SEC11A: variants seen among roughly 807,000 people sequenced by gnomAD.
The protein encoded by SEC11A is SEC11 homolog A, signal peptidase complex subunit, also known as signal peptidase complex catalytic subunit SEC11A.
SEC11A carries 14 observed loss-of-function variants against 25.6 expected under a neutral mutation model. That is an observed-to-expected ratio of 0.55 (90% CI 0.36 to 0.85). The LOEUF (loss-of-function observed/expected upper bound fraction) is 0.85. Ranked by LOEUF, SEC11A falls within the 40% of genes least tolerant of loss-of-function variation. The probability of loss-of-function intolerance (pLI) is 0.01; values close to 1 mark genes in which losing one functional copy is unlikely to be tolerated. For synonymous variants in SEC11A, 83 were observed against 76.4 expected (o/e 1.09, Z -0.45); for missense variants, 153 against 222.9 (o/e 0.69, Z 2.00).
At chr15:84,704,523 A>C (rs1898039355) in intron 1 of SEC11A, among the ~76,000 whole-genome samples, 1 of 152,192 alleles carries the variant, frequency 6.6e-6, no homozygotes, top group Non-Finnish European at 1.5e-5. Context: ...TAATTAATAA[A>C]GGGTATTGAA....
chr15:84,678,978 G>A (rs1212953136), intron 4 of SEC11A, among the ~76,000 whole-genome samples: 1 of 149,208 alleles, frequency 6.7e-6, no homozygotes, highest in Non-Finnish European at 1.5e-5. Context: ...CTGGGTGACA[G>A]AGCAAGACTG....
chr15:84,683,281 A>G (rs1387889193), intron 3 of SEC11A, among the ~76,000 whole-genome samples: 1 of 152,182 alleles, frequency 6.6e-6, no homozygotes, highest in Non-Finnish European at 1.5e-5. Flanking sequence ...GAAAAGGCAA[A>G]TCAGATATGA....
At chr15:84,703,809 G>A (rs932727200) in intron 1 of SEC11A, among the ~76,000 whole-genome samples, 22 of 152,302 alleles carry the variant, frequency 1.4e-4, no homozygotes, top group African/African-American at 5.3e-4. Context: ...CTCCAAATAC[G>A]TATATAGAAT....
At chr15:84,700,259 A>G (rs1462526896) in intron 1 of SEC11A, among the ~76,000 whole-genome samples, 1 of 151,856 alleles carries the variant, frequency 6.6e-6, no homozygotes, top group Non-Finnish European at 1.5e-5. Context: ...AAAATCAATA[A>G]ACAGAAACAG....
At chr15:84,682,162 G>A (rs1339902933) in intron 3 of SEC11A, among the ~76,000 whole-genome samples, 1 of 151,978 alleles carries the variant, frequency 6.6e-6, no homozygotes, top group African/African-American at 2.4e-5. Flanking sequence ...TAGATACATG[G>A]GGGTTCCTCA....
chr15:84,715,941 G>A, intron 1 of SEC11A, 84 bp downstream of exon 1: 2 of 1,342,568 alleles, frequency 1.5e-6, no homozygotes, highest in Non-Finnish European at 2.1e-6. Flanking sequence ...CCTCACACCA[G>A]AACCCTGGGG....
Position 84,687,636 on chromosome 15 carries a change from C to A in SEC11A, c.300G>T (p.Lys100Asn). The A allele has an allele frequency of 6.3e-7, 1 of 1,576,912 alleles. No individual in the cohort carries two copies. The highest frequency in any genetic ancestry group is 8.5e-7 in the Non-Finnish European group (1 of 1,170,970). Residue 100 changes from lysine to asparagine, a missense_variant, in exon 3 of 6, where the codon AAG becomes AAT. Transcript: ENST00000268220. ...TACTTTGCACATACTTTTCATGAAT[C>A]TTCAAGACTCGGTGAACTATAGGAA... Reference protein sequence around the residue: ...REIPIVHRVLKIHEKQNGHIK... With the variant: ...REIPIVHRVLNIHEKQNGHIK...
chr15:84,703,168 T>C (rs964762368), intron 1 of SEC11A, among the ~76,000 whole-genome samples: 5 of 152,184 alleles, frequency 3.3e-5, no homozygotes, highest in Non-Finnish European at 7.3e-5. Flanking sequence ...TAACAGCTTT[T>C]TGTTTGCTAC....
intron 1 of SEC11A, among the ~76,000 whole-genome samples, chr15:84,715,179 C>T (rs1158841358): frequency 6.6e-6 from 1 of 152,020 alleles, no homozygotes; most frequent in Non-Finnish European, 1.5e-5. Context: ...TTAATGGTGA[C>T]ATCAGGATAA....
intron 1 of SEC11A, among the ~76,000 whole-genome samples, chr15:84,710,283 A>G (rs1898221680): frequency 6.6e-6 from 1 of 152,198 alleles, no homozygotes; most frequent in Non-Finnish European, 1.5e-5. Flanking sequence ...TTTAATTTAT[A>G]AAGTTTAATT....
intron 1 of SEC11A, among the ~76,000 whole-genome samples, chr15:84,700,344 C>T (rs1897892362): frequency 6.6e-6 from 1 of 151,450 alleles, no homozygotes. Context: ...GCCTGTAATC[C>T]CAGAACTTTA....
intron 1 of SEC11A, among the ~76,000 whole-genome samples, chr15:84,701,604 G>A (rs1897944394): frequency 6.6e-6 from 1 of 151,670 alleles, no homozygotes; most frequent in African/African-American, 2.4e-5. Flanking sequence ...TTGTCCACTT[G>A]GATAAATAAA....
intron 1 of SEC11A, among the ~76,000 whole-genome samples, chr15:84,697,607 A>ACTCTTCTCC (rs1897806161): frequency 6.6e-6 from 1 of 152,016 alleles, no homozygotes; most frequent in South Asian, 2.1e-4. Context: ...AAAGTGTCAT[A>ACTCTTCTCC]CTCTTCTCCC....
intron 3 of SEC11A, chr15:84,686,857 C>T (rs1436397547): frequency 6.6e-6 from 1 of 152,112 alleles, no homozygotes; most frequent in African/African-American, 2.4e-5. Flanking sequence ...TGCCACTACG[C>T]CCAGCTAATT....
At chr15:84,699,147 T>C (rs1185932275) in intron 1 of SEC11A, among the ~76,000 whole-genome samples, 1 of 151,744 alleles carries the variant, frequency 6.6e-6, no homozygotes, top group Non-Finnish European at 1.5e-5. Context: ...AAACCCCATC[T>C]CTACCAAAAA....
chr15:84,703,936 C>T (rs1027392870), intron 1 of SEC11A, among the ~76,000 whole-genome samples: 1 of 152,130 alleles, frequency 6.6e-6, no homozygotes, highest in Non-Finnish European at 1.5e-5. Flanking sequence ...CCTATTTCCC[C>T]AGCCACCTGT....
intron 2 of SEC11A, among the ~76,000 whole-genome samples, chr15:84,688,907 T>C (rs1277778829): frequency 6.6e-6 from 1 of 151,966 alleles, no homozygotes; most frequent in East Asian, 1.9e-4. Flanking sequence ...GGCGCACGCC[T>C]GTAATCCCAG....
At chr15:84,674,332 A>G (rs1028427923) in intron 4 of SEC11A, among the ~76,000 whole-genome samples, 3 of 152,122 alleles carry the variant, frequency 2.0e-5, no homozygotes, top group Admixed American at 6.5e-5. Context: ...ATTTAAGAAC[A>G]TAAAGGCAAA....
At chr15:84,671,593 TAATA>T (rs1896984129) in intron 4 of SEC11A, 1 of 152,228 alleles carries the variant, frequency 6.6e-6, no homozygotes, top group African/African-American at 2.4e-5. Flanking sequence ...GAGGTCTTTA[TAATA>T]ATTATCATAC....
Sources: allele counts gnomAD v4.1 joint callset (sites outside exome capture counted in the v4.1 genomes callset), GRCh38; gene constraint gnomAD v4.1.1; transcripts MANE v1.5; gene names NCBI Gene and HGNC (gene_info 2026-07-23, HGNC 2026-07-21).